SORCS3: variants seen among roughly 807,000 people sequenced by gnomAD.
SORCS3 encodes the protein VPS10 domain-containing receptor SorCS3.
A neutral mutation model predicts 146.3 loss-of-function variants in SORCS3; 57 were observed. The observed-to-expected ratio is 0.39, with a 90% CI of 0.31 to 0.49. The LOEUF (loss-of-function observed/expected upper bound fraction) is 0.49, where lower values mean the gene tolerates loss of function less well. Among genes scored for constraint, SORCS3 ranks in the 20% least tolerant of loss-of-function variants. The pLI is 0.92. For missense variants in SORCS3, 1,341 were observed against 1,575.5 expected (o/e 0.85, Z 2.52); for synonymous variants, 653 against 618.5 (o/e 1.06, Z -0.83).
chr10:105,063,909 C>T (rs1428718970), intron 5 of SORCS3, among the ~76,000 whole-genome samples: 1 of 152,236 alleles, frequency 6.6e-6, no homozygotes, highest in Admixed American at 6.5e-5. Context: ...GTAGCCTATG[C>T]AGCCAGTCGC....
chr10:104,960,467 G>A (rs1348873868), intron 3 of SORCS3, among the ~76,000 whole-genome samples: 1 of 152,094 alleles, frequency 6.6e-6, no homozygotes, highest in Non-Finnish European at 1.5e-5. Context: ...CTTCTTGCTG[G>A]TGGGGACCCT....
intron 1 of SORCS3, among the ~76,000 whole-genome samples, chr10:104,683,382 C>A (rs796181044): frequency 3.1e-4 from 47 of 152,302 alleles, no homozygotes; most frequent in African/African-American, 1.1e-3. Context: ...TGAAATGAAT[C>A]CTCACTGCCC....
intron 13 of SORCS3, 112 bp from the exon 14 acceptor site, chr10:105,177,954 C>T: frequency 2.8e-6 from 2 of 726,784 alleles, no homozygotes; most frequent in Non-Finnish European, 4.8e-6. Context: ...ATTGATAATC[C>T]ACACTGCCAG....
chr10:104,733,497 G>T (rs146241797), intron 1 of SORCS3, among the ~76,000 whole-genome samples: 1 of 150,632 alleles, frequency 6.6e-6, no homozygotes, highest in Admixed American at 6.6e-5. Context: ...CTATAGATGC[G>T]CACCACCATG....
At chr10:105,030,655 G>A (rs921528192) in intron 4 of SORCS3, among the ~76,000 whole-genome samples, 1 of 151,522 alleles carries the variant, frequency 6.6e-6, no homozygotes, top group Admixed American at 6.6e-5. Flanking sequence ...TGCAATGGTG[G>A]GATCTTGGCT....
chr10:104,872,432 C>T (rs1266635179), intron 2 of SORCS3, among the ~76,000 whole-genome samples: 1 of 152,120 alleles, frequency 6.6e-6, no homozygotes. Flanking sequence ...AGGACTCAGT[C>T]TCAATGTGAG....
intron 5 of SORCS3, among the ~76,000 whole-genome samples, chr10:105,058,259 T>C (rs1056510835): frequency 6.6e-6 from 1 of 152,098 alleles, no homozygotes; most frequent in African/African-American, 2.4e-5. Context: ...GTGCAATAAT[T>C]GTCAATGAGT....
intron 1 of SORCS3, among the ~76,000 whole-genome samples, chr10:104,796,248 G>C (rs1047716401): frequency 6.6e-6 from 1 of 152,192 alleles, no homozygotes; most frequent in Non-Finnish European, 1.5e-5. Flanking sequence ...TAGCTAGAAC[G>C]CTAAGTGGTA....
intron 20 of SORCS3, among the ~76,000 whole-genome samples, chr10:105,242,188 TTA>T (rs1335215607): frequency 1.3e-5 from 2 of 149,198 alleles, no homozygotes; most frequent in South Asian, 2.1e-4. Flanking sequence ...TCCACCAAAA[TTA>T]TATGAGTCCT....
intron 3 of SORCS3, among the ~76,000 whole-genome samples, chr10:104,930,317 C>T (rs1262415281): frequency 2.6e-5 from 4 of 152,190 alleles, no homozygotes; most frequent in African/African-American, 9.6e-5. Context: ...AACTTTTAAA[C>T]ATATGCTTCA....
chr10:104,924,173 G>C (rs1347900261), intron 3 of SORCS3, among the ~76,000 whole-genome samples: 2 of 152,126 alleles, frequency 1.3e-5, no homozygotes, highest in Non-Finnish European at 2.9e-5. Context: ...GGAGCTTAAA[G>C]GGCTCTCGGA....
At chr10:104,860,199 GA>G (rs1347581856) in intron 2 of SORCS3, among the ~76,000 whole-genome samples, 2 of 114,340 alleles carry the variant, frequency 1.7e-5, no homozygotes, top group Non-Finnish European at 3.6e-5. Context: ...ACTGGATTAA[GA>G]AAATGTGGCA....
At chr10:104,962,961 C>T (rs1310474327) in intron 3 of SORCS3, among the ~76,000 whole-genome samples, 1 of 152,138 alleles carries the variant, frequency 6.6e-6, no homozygotes, top group Non-Finnish European at 1.5e-5. Flanking sequence ...ATTTCATGCA[C>T]TGTTTAAATA....
chr10:105,103,980 G>A (rs2055804083), intron 6 of SORCS3, among the ~76,000 whole-genome samples: 1 of 152,154 alleles, frequency 6.6e-6, no homozygotes, highest in Non-Finnish European at 1.5e-5. Flanking sequence ...TACCCAATAT[G>A]TAGTGTGTGC....
chr10:105,169,337 T>C (rs1027536112), intron 13 of SORCS3, among the ~76,000 whole-genome samples: 3 of 152,112 alleles, frequency 2.0e-5, no homozygotes, highest in African/African-American at 2.4e-5. Flanking sequence ...AGTACATGTG[T>C]GACTAGAAGT....
intron 1 of SORCS3, among the ~76,000 whole-genome samples, chr10:104,765,770 A>T (rs987867060): frequency 4.6e-5 from 7 of 152,310 alleles, no homozygotes; most frequent in African/African-American, 1.7e-4. Flanking sequence ...AGCTCATTTA[A>T]TTTTTTTAAT....
chr10:105,148,325 A>G (rs1030771644), intron 9 of SORCS3, among the ~76,000 whole-genome samples: 4 of 152,190 alleles, frequency 2.6e-5, no homozygotes, highest in African/African-American at 4.8e-5. Context: ...TGGCCTTGAC[A>G]TAAGTGTGTC....
chr10:104,834,576 C>A (rs995841079), intron 1 of SORCS3, among the ~76,000 whole-genome samples: 1 of 151,514 alleles, frequency 6.6e-6, no homozygotes, highest in Non-Finnish European at 1.5e-5. Context: ...GCCACCCCCC[C>A]AGCCCACCCT....
chr10:105,003,716 G>C (rs2055075435), intron 4 of SORCS3, among the ~76,000 whole-genome samples: 1 of 152,126 alleles, frequency 6.6e-6, no homozygotes. Context: ...ATGGGTGCCT[G>C]TCCCCCTAAC....
Sources: gnomAD v4.1 joint callset for allele counts (sites outside exome capture counted in the v4.1 genomes callset) on GRCh38, gnomAD v4.1.1 for gene constraint, MANE v1.5 for transcripts, NCBI Gene and HGNC (gene_info 2026-07-23, HGNC 2026-07-21) for gene names.